Variants in KCNN2 observed in about 807,000 individuals in gnomAD.
The protein encoded by KCNN2 is small conductance calcium-activated potassium channel protein 2.
A neutral mutation model predicts 55.5 loss-of-function variants in KCNN2; 24 were observed. The observed-to-expected ratio is 0.43, with a 90% CI of 0.31 to 0.61. KCNN2 has a LOEUF of 0.61. KCNN2 is among the 20% of genes least tolerant of loss of function. The probability of loss-of-function intolerance (pLI) is 0.08; values close to 1 mark genes in which losing one functional copy is unlikely to be tolerated. For synonymous variants in KCNN2, 431 were observed against 336.1 expected (o/e 1.28, Z -3.09); for missense variants, 754 against 853.6 (o/e 0.88, Z 1.45).
chr5:114,169,298 A>T lies in KCNN2; in HGVS notation c.-270-52182A>T, dbSNP rs1265869260. On this transcript the variant is annotated intron_variant, in intron 1 of 10. Coordinates refer to the KCNN2 transcript ENST00000512097. The stretch of plus-strand genomic sequence containing the variant: ...AAATGGGAGCTTCTCATTGTAACCT[A>T]GTTCACTTGGCTTGGAAGACAAGGC... Among the ~76,000 whole-genome samples, 5 of 152,110 alleles carry T rather than the reference A, an allele frequency of 3.3e-5. No individual in the cohort carries two copies. In the East Asian group the frequency reaches 5.8e-4, roughly 18 times the overall value.
chr5:114,085,562 A>G (rs1294197689), intron 1 of KCNN2, among the ~76,000 whole-genome samples: 1 of 152,022 alleles, frequency 6.6e-6, no homozygotes, highest in Non-Finnish European at 1.5e-5. Context: ...GTATAATTTC[A>G]GATTTTAAAA....
intron 2 of KCNN2, among the ~76,000 whole-genome samples, chr5:114,392,612 T>G (rs575203492): frequency 1.3e-5 from 2 of 152,272 alleles, no homozygotes; most frequent in African/African-American, 2.4e-5. Context: ...TTTTCCCTCC[T>G]GCAGTTCTGG....
At chr5:114,359,124 C>T (rs1757356953), upstream of KCNN2, among the ~76,000 whole-genome samples, 1 of 152,154 alleles carries the variant, frequency 6.6e-6, no homozygotes, top group Non-Finnish European at 1.5e-5. Context: ...CGATAAATGT[C>T]TGATTGATTT....
At chr5:114,296,290 C>T (rs1389557982) in intron 2 of KCNN2, among the ~76,000 whole-genome samples, 1 of 152,184 alleles carries the variant, frequency 6.6e-6, no homozygotes, top group African/African-American at 2.4e-5. Flanking sequence ...CTCCTGGTGG[C>T]ATCTTGGGCC....
intron 1 of KCNN2, among the ~76,000 whole-genome samples, chr5:114,206,485 C>T (rs931579662): frequency 6.6e-6 from 1 of 152,092 alleles, no homozygotes; most frequent in South Asian, 2.1e-4. Context: ...CCTCCTTTTC[C>T]TTTATTTCTC....
intron 1 of KCNN2, among the ~76,000 whole-genome samples, chr5:114,122,766 T>C (rs2112598939): frequency 6.6e-6 from 1 of 151,758 alleles, no homozygotes; most frequent in Non-Finnish European, 1.5e-5. Context: ...AGGAAGAGGG[T>C]GAGGGATAGA....
intron 3 of KCNN2, among the ~76,000 whole-genome samples, chr5:114,444,979 AGGTTGTTTATTTAG>A (rs1760349026): frequency 2.0e-5 from 3 of 152,260 alleles, no homozygotes; most frequent in African/African-American, 7.2e-5. Context: ...CTAAACCAGC[AGGTTGTTTATTTAG>A]AACACAAAGT....
intron 1 of KCNN2, among the ~76,000 whole-genome samples, chr5:114,184,283 G>T (rs572059623): frequency 3.0e-4 from 45 of 152,208 alleles, no homozygotes; most frequent in Middle Eastern, 6.8e-3. Flanking sequence ...TTTTACTGGT[G>T]GGGAATTCTA....
At chr5:114,235,650 T>C (rs543005480) in intron 2 of KCNN2, among the ~76,000 whole-genome samples, 26 of 152,310 alleles carry the variant, frequency 1.7e-4, no homozygotes, top group Admixed American at 1.2e-3. Context: ...AGAAAGGAGA[T>C]AGGAGTGAGG....
intron 2 of KCNN2, among the ~76,000 whole-genome samples, chr5:114,334,324 G>A (rs1021131816): frequency 9.3e-5 from 14 of 150,546 alleles, no homozygotes; most frequent in African/African-American, 3.4e-4. Flanking sequence ...GGCTCTGGCT[G>A]TTGCCAACTG....
chr5:114,399,932 T>G (rs1300920935), intron 2 of KCNN2, among the ~76,000 whole-genome samples: 2 of 149,450 alleles, frequency 1.3e-5, no homozygotes, highest in African/African-American at 2.4e-5. Flanking sequence ...TTTTTTTTGT[T>G]TTTTTTTTTT....
At chr5:114,091,717 A>G (rs1751147713) in intron 1 of KCNN2, among the ~76,000 whole-genome samples, 1 of 152,210 alleles carries the variant, frequency 6.6e-6, no homozygotes, top group South Asian at 2.1e-4. Flanking sequence ...GAAGCAAGGC[A>G]CCTTCTTCAC....
At chr5:114,153,587 G>C (rs1426475968) in intron 1 of KCNN2, among the ~76,000 whole-genome samples, 1 of 152,222 alleles carries the variant, frequency 6.6e-6, no homozygotes, top group African/African-American at 2.4e-5. Flanking sequence ...AAGGCACTGT[G>C]AGAAAGGTCA....
intron 3 of KCNN2, among the ~76,000 whole-genome samples, chr5:114,435,589 A>G (rs1189204373): frequency 6.6e-6 from 1 of 152,096 alleles, no homozygotes; most frequent in East Asian, 1.9e-4. Context: ...AGCCAAATAT[A>G]GGCATCACAG....
chr5:114,316,429 T>A (rs1313490838), intron 2 of KCNN2, among the ~76,000 whole-genome samples: 1 of 152,146 alleles, frequency 6.6e-6, no homozygotes, highest in Non-Finnish European at 1.5e-5. Flanking sequence ...CTAGACTAGC[T>A]TAACGCCCTT....
intron 2 of KCNN2, among the ~76,000 whole-genome samples, chr5:114,300,478 A>C (rs774289299): frequency 6.6e-6 from 1 of 152,238 alleles, no homozygotes; most frequent in Non-Finnish European, 1.5e-5. Context: ...AGAATGATGC[A>C]GACATTAAAC....
chr5:114,431,364 A>G (rs1023532542), intron 3 of KCNN2, among the ~76,000 whole-genome samples: 1 of 152,040 alleles, frequency 6.6e-6, no homozygotes, highest in East Asian at 1.9e-4. Flanking sequence ...AGGTTGTCAA[A>G]TGTGTGGGCA....
At chr5:114,423,872 G>A (rs1759541469) in intron 3 of KCNN2, among the ~76,000 whole-genome samples, 1 of 152,142 alleles carries the variant, frequency 6.6e-6, no homozygotes, top group African/African-American at 2.4e-5. Context: ...AAGTGAGGCA[G>A]GATATCCCAG....
intron 2 of KCNN2, among the ~76,000 whole-genome samples, chr5:114,263,775 T>C (rs1310785168): frequency 6.6e-6 from 1 of 152,192 alleles, no homozygotes; most frequent in Non-Finnish European, 1.5e-5. Flanking sequence ...AACAACCAAC[T>C]TGACTAACAC....
Sources: gnomAD v4.1 joint callset for allele counts (sites outside exome capture counted in the v4.1 genomes callset) on GRCh38, gnomAD v4.1.1 for gene constraint, MANE v1.5 for transcripts, NCBI Gene and HGNC (gene_info 2026-07-23, HGNC 2026-07-21) for gene names.